Variants in MSRA observed in about 807,000 individuals in gnomAD.
MSRA encodes the protein methionine sulfoxide reductase A.
In MSRA, 54 loss-of-function variants were observed where a neutral mutation model predicts 31.3. The ratio of observed to expected loss-of-function variants is 1.73; its 90% CI spans 1.39 to 2.17. The LOEUF is 2.17. Among genes scored for constraint, MSRA ranks in the 30% most tolerant of loss-of-function variants. MSRA has a pLI of 0.00. For missense variants in MSRA, 507 were observed against 300.9 expected (o/e 1.69, Z -5.07); for synonymous variants, 169 against 116.5 (o/e 1.45, Z -2.90).
chr8:10,354,562 G>A (rs538311110), intron 5 of MSRA, among the ~76,000 whole-genome samples: 2 of 152,000 alleles, frequency 1.3e-5, no homozygotes, highest in South Asian at 2.1e-4. Context: ...TTCTCTATGG[G>A]AATAAATACC....
At chr8:10,161,936 G>A (rs575691199) in intron 1 of MSRA, among the ~76,000 whole-genome samples, 1 of 152,306 alleles carries the variant, frequency 6.6e-6, no homozygotes, top group African/African-American at 2.4e-5. Flanking sequence ...TTGTTACAGG[G>A]TGGTCCGGAG....
chr8:10,124,038 C>T (rs1441003686), intron 1 of MSRA, among the ~76,000 whole-genome samples: 11 of 151,740 alleles, frequency 7.2e-5, no homozygotes, highest in African/African-American at 1.2e-4. Flanking sequence ...GCCCTTTGAC[C>T]TTGGGATTGC....
intron 1 of MSRA, among the ~76,000 whole-genome samples, chr8:10,101,213 C>T (rs1327711058): frequency 2.0e-5 from 3 of 152,084 alleles, no homozygotes; most frequent in East Asian, 1.9e-4. Flanking sequence ...TCTTCATCTG[C>T]AGAACAGGGA....
intron 1 of MSRA, among the ~76,000 whole-genome samples, chr8:10,076,854 G>C (rs1456256599): frequency 6.6e-6 from 1 of 152,038 alleles, no homozygotes; most frequent in Non-Finnish European, 1.5e-5. Flanking sequence ...CAACATTTAA[G>C]AGCAGAGGAT....
chr8:10,082,269 G>A (rs1563411991), intron 1 of MSRA, among the ~76,000 whole-genome samples: 1 of 152,058 alleles, frequency 6.6e-6, no homozygotes, highest in Non-Finnish European at 1.5e-5. Context: ...CCATAACACA[G>A]GTGAGAATGT....
At chr8:10,382,868 A>G (rs1229740863) in intron 5 of MSRA, among the ~76,000 whole-genome samples, 2 of 152,142 alleles carry the variant, frequency 1.3e-5, no homozygotes, top group Non-Finnish European at 2.9e-5. Flanking sequence ...TTCCTGGTCC[A>G]CCTTAGATAA....
chr8:10,093,205 A>G (rs748574080), intron 1 of MSRA, among the ~76,000 whole-genome samples: 3 of 152,106 alleles, frequency 2.0e-5, no homozygotes, highest in Admixed American at 1.3e-4. Flanking sequence ...TACTGATGAG[A>G]TAGGATTTAC....
rs535479324 is a variant in MSRA, at chr8:10,176,185, A to T, written c.143-31648A>T. On this transcript the variant is annotated intron_variant, in intron 1 of 5. Transcript: ENST00000317173. ...TTCATCTCTCTTTGCCATATGTTAA[A>T]ATGTCACATTATGGTTTTAAAATTC... Among the ~76,000 whole-genome samples the T allele has an allele frequency of 2.6e-5, 4 of 152,286 alleles. No homozygotes were observed. The South Asian group carries it at 8.3e-4, about 32-fold the overall frequency.
chr8:10,324,498 C>T (rs891660615), intron 5 of MSRA, among the ~76,000 whole-genome samples: 1 of 152,166 alleles, frequency 6.6e-6, no homozygotes, highest in Non-Finnish European at 1.5e-5. Context: ...CTGCTCTCAC[C>T]TTTTCCTGCC....
chr8:10,249,021 C>T (rs747961813), intron 3 of MSRA, among the ~76,000 whole-genome samples: 19 of 152,106 alleles, frequency 1.2e-4, no homozygotes, highest in Non-Finnish European at 2.6e-4. Flanking sequence ...CATAGGTCCT[C>T]AGTAGGAGGT....
chr8:10,424,955 C>A (rs116710643), intron 5 of MSRA, among the ~76,000 whole-genome samples: 1 of 152,214 alleles, frequency 6.6e-6, no homozygotes, highest in African/African-American at 2.4e-5. Context: ...GAAATCAAGA[C>A]GTGAATCTGA....
intron 5 of MSRA, chr8:10,336,998 C>T (rs1053328796): frequency 3.3e-5 from 5 of 152,118 alleles, no homozygotes; most frequent in African/African-American, 1.2e-4. Flanking sequence ...CCTGTGTAGC[C>T]CAGAAAACAA....
intron 1 of MSRA, among the ~76,000 whole-genome samples, chr8:10,207,010 C>G (rs958609264): frequency 6.6e-6 from 1 of 152,216 alleles, no homozygotes; most frequent in Admixed American, 6.5e-5. Flanking sequence ...TGTGAAGCGT[C>G]TTAGCTATCC....
At chr8:10,163,941 G>A (rs1048357357) in intron 1 of MSRA, among the ~76,000 whole-genome samples, 1 of 152,224 alleles carries the variant, frequency 6.6e-6, no homozygotes, top group Admixed American at 6.5e-5. Flanking sequence ...CAGCCTTTCT[G>A]TCTCCATATT....
chr8:10,183,444 C>A (rs1806723337), intron 1 of MSRA, among the ~76,000 whole-genome samples: 1 of 152,096 alleles, frequency 6.6e-6, no homozygotes, highest in Non-Finnish European at 1.5e-5. Flanking sequence ...AAAGCCAGGG[C>A]AGAATCCTAC....
intron 3 of MSRA, among the ~76,000 whole-genome samples, chr8:10,262,542 A>C (rs905220718): frequency 1.3e-5 from 2 of 152,116 alleles, no homozygotes; most frequent in Admixed American, 1.3e-4. Context: ...GGCTATTCAG[A>C]TCTTTTGCCC....
intron 1 of MSRA, among the ~76,000 whole-genome samples, chr8:10,154,585 G>C (rs909530124): frequency 6.6e-6 from 1 of 152,048 alleles, no homozygotes; most frequent in Non-Finnish European, 1.5e-5. Context: ...CACCGTGTTA[G>C]TCAGGATGGT....
At chr8:10,214,003 T>A (rs1809755386) in intron 2 of MSRA, among the ~76,000 whole-genome samples, 1 of 152,110 alleles carries the variant, frequency 6.6e-6, no homozygotes. Context: ...ATTCTTTGGG[T>A]TGTCGTGAGT....
intron 3 of MSRA, among the ~76,000 whole-genome samples, chr8:10,261,373 T>C (rs1585303243): frequency 7.1e-6 from 1 of 140,400 alleles, no homozygotes; most frequent in African/African-American, 2.6e-5. Context: ...TCATGAAGGG[T>C]ATATAATCTG....
Sources: gnomAD v4.1 joint callset for allele counts (sites outside exome capture counted in the v4.1 genomes callset) on GRCh38, gnomAD v4.1.1 for gene constraint, MANE v1.5 for transcripts, NCBI Gene and HGNC (gene_info 2026-07-23, HGNC 2026-07-21) for gene names.